Variants in HMG20A observed in about 807,000 individuals in gnomAD.
The protein encoded by HMG20A is high mobility group protein 20A.
In HMG20A, 17 loss-of-function variants were observed where a neutral mutation model predicts 43.9. That is an observed-to-expected ratio of 0.39 (90% confidence interval 0.27 to 0.58). HMG20A has a LOEUF of 0.58. Ranked by LOEUF, HMG20A falls within the 20% of genes least tolerant of loss-of-function variation. The pLI, the probability that HMG20A is intolerant of heterozygous loss-of-function variation, is 0.59. For missense variants in HMG20A, 341 were observed against 438.2 expected (o/e 0.78, Z 1.98); for synonymous variants, 132 against 147.5 (o/e 0.89, Z 0.76).
the HMG20A span, among the ~76,000 whole-genome samples, chr15:77,519,056 G>A: frequency 2.6e-5 from 4 of 152,138 alleles, no homozygotes; most frequent in African/African-American, 4.8e-5. Flanking sequence ...CCCGGGTCAC[G>A]CAGCAATAGA....
chr15:77,482,673 C>G (rs2072915170), intron 9 of HMG20A: 1 of 152,138 alleles, frequency 6.6e-6, no homozygotes, highest in Non-Finnish European at 1.5e-5. Flanking sequence ...AGGTTTGTCC[C>G]TGATAGTTGC....
intron 6 of HMG20A, among the ~76,000 whole-genome samples, chr15:77,473,153 A>T (rs1314882463): frequency 6.6e-6 from 1 of 152,236 alleles, no homozygotes; most frequent in African/African-American, 2.4e-5. Flanking sequence ...ACCATCTATG[A>T]ATTATAAAGT....
At chr15:77,506,888 C>A in the HMG20A span, among the ~76,000 whole-genome samples, 3 of 152,368 alleles carry the variant, frequency 2.0e-5, no homozygotes, top group African/African-American at 7.2e-5. Context: ...CGCCTCCACA[C>A]CACACTGCAG....
At position 77,453,635 on chromosome 15, in the gene HMG20A, C is replaced by G. The variant is rs148672081; in HGVS notation, c.-4-4769C>G. Among the ~76,000 whole-genome samples the G allele has an allele frequency of 4.3e-3, 659 of 152,268 alleles. 6 individuals are homozygous for G. Among genetic ancestry groups the G allele is most frequent in the African/African-American group, 0.015 (625 of 41,540 alleles). ...AAATTTATACACAAATGTTCATAAGCAGCAGCATTCATAATAACCAAAAAG... is the reference window on the plus strand; with the variant it reads ...AAATTTATACACAAATGTTCATAAGGAGCAGCATTCATAATAACCAAAAAG... On this transcript the variant is annotated intron_variant, in intron 1 of 9. Transcript: ENST00000336216.
At chr15:77,480,148 C>T (rs2072893136) in intron 9 of HMG20A, among the ~76,000 whole-genome samples, 1 of 151,834 alleles carries the variant, frequency 6.6e-6, no homozygotes, top group African/African-American at 2.4e-5. Context: ...AAAAATTAGC[C>T]AGGCATGGTG....
intron 1 of HMG20A, among the ~76,000 whole-genome samples, chr15:77,448,905 G>A (rs1459759968): frequency 1.3e-5 from 2 of 152,084 alleles, no homozygotes; most frequent in African/African-American, 4.8e-5. Flanking sequence ...AAAAAAATTA[G>A]CTGGACATGG....
At chr15:77,502,094 A>T in the HMG20A span, among the ~76,000 whole-genome samples, 52 of 152,248 alleles carry the variant, frequency 3.4e-4, 1 homozygote, top group Non-Finnish European at 2.9e-5. Flanking sequence ...GTTGAAAAAA[A>T]TCAAAAGAAG....
intron 1 of HMG20A, among the ~76,000 whole-genome samples, chr15:77,447,167 C>T (rs1344986743): frequency 6.6e-6 from 1 of 152,136 alleles, no homozygotes; most frequent in African/African-American, 2.4e-5. Context: ...GGGCAATCAC[C>T]TCCTTGTTTA....
chr15:77,458,332 C>A, intron 1 of HMG20A, 72 bp from the exon 2 acceptor site: 1 of 943,228 alleles, frequency 1.1e-6, no homozygotes, highest in East Asian at 2.4e-5. Context: ...AGAAGGCTGG[C>A]TCTTAAATTA....
chr15:77,478,477 C>A lies in HMG20A; in HGVS notation c.874C>A (p.Leu292Met). 1 of 1,611,210 alleles carries A rather than the reference C, an allele frequency of 6.2e-7. No individual in the cohort carries two copies. Among genetic ancestry groups the A allele is most frequent in the Non-Finnish European group, 8.5e-7 (1 of 1,180,008 alleles). ...GCACCTGGAGACCCTGCGGCAGGTG[C>A]TGACCAGCAGCTTTGCCAGCATGCC... ...QQHLETLRQVLTSSFASMPLP... is the reference protein window; with the variant it reads ...QQHLETLRQVMTSSFASMPLP... Residue 292 changes from leucine to methionine, a missense_variant, in exon 8 of 10, where the codon CTG (leucine) becomes ATG (methionine). Transcript: ENST00000336216.
intron 1 of HMG20A, among the ~76,000 whole-genome samples, chr15:77,434,448 A>C (rs946271125): frequency 6.6e-6 from 1 of 152,294 alleles, no homozygotes; most frequent in East Asian, 1.9e-4. Flanking sequence ...ATGAGAGTGA[A>C]AACACTAGTC....
At chr15:77,422,466 AT>A (rs1325731912) in intron 1 of HMG20A, among the ~76,000 whole-genome samples, 1 of 152,174 alleles carries the variant, frequency 6.6e-6, no homozygotes, top group Non-Finnish European at 1.5e-5. Context: ...AAATACAAAA[AT>A]TAGCTGGGCG....
At chr15:77,490,840 C>G in the HMG20A span, among the ~76,000 whole-genome samples, 1 of 152,144 alleles carries the variant, frequency 6.6e-6, no homozygotes, top group Non-Finnish European at 1.5e-5. Context: ...GCAAGACACA[C>G]ATCTCCCTGC....
the HMG20A span, among the ~76,000 whole-genome samples, chr15:77,504,831 G>A: frequency 1.2e-4 from 19 of 152,174 alleles, no homozygotes; most frequent in Non-Finnish European, 2.5e-4. Flanking sequence ...TGCTGGCCCC[G>A]CCACTCACCA....
intron 1 of HMG20A, among the ~76,000 whole-genome samples, chr15:77,425,596 A>T (rs966172886): frequency 2.0e-5 from 3 of 150,966 alleles, no homozygotes; most frequent in Middle Eastern, 3.4e-3. Context: ...ATTTAATTGG[A>T]AAAAAGTAAA....
intron 1 of HMG20A, among the ~76,000 whole-genome samples, chr15:77,423,794 T>C (rs996362959): frequency 3.3e-5 from 5 of 152,176 alleles, no homozygotes; most frequent in Non-Finnish European, 5.9e-5. Flanking sequence ...GTCGTTTTGG[T>C]GGTGGTTTGT....
intron 1 of HMG20A, among the ~76,000 whole-genome samples, chr15:77,458,023 G>A (rs1020702087): frequency 5.9e-5 from 9 of 152,186 alleles, no homozygotes; most frequent in Non-Finnish European, 1.2e-4. Context: ...CTTAGTCTAA[G>A]ATGGTGAAAT....
intron 1 of HMG20A, among the ~76,000 whole-genome samples, chr15:77,428,284 A>G (rs1311647792): frequency 6.6e-6 from 1 of 152,232 alleles, no homozygotes; most frequent in East Asian, 1.9e-4. Context: ...GGAGGAAGGC[A>G]GCTGTAGAAA....
At chr15:77,500,714 GC>G in the HMG20A span, among the ~76,000 whole-genome samples, 1 of 151,992 alleles carries the variant, frequency 6.6e-6, no homozygotes, top group African/African-American at 2.4e-5. Flanking sequence ...GATTACAGGT[GC>G]CTACCACCAT....
Sources: gnomAD v4.1 joint callset for allele counts (sites outside exome capture counted in the v4.1 genomes callset) on GRCh38, gnomAD v4.1.1 for gene constraint, MANE v1.5 for transcripts, NCBI Gene and HGNC (gene_info 2026-07-23, HGNC 2026-07-21) for gene names.